Variants in CSMD1 observed in about 807,000 individuals in gnomAD.
CSMD1 encodes the protein CUB and Sushi multiple domains 1.
Under a neutral mutation model 417.5 loss-of-function variants are expected in CSMD1, and 213 were observed. The observed-to-expected ratio is 0.51, with a 90% confidence interval of 0.46 to 0.57. The LOEUF (loss-of-function observed/expected upper bound fraction) is 0.57. CSMD1 is among the 20% of genes least tolerant of loss of function. The pLI, the probability that CSMD1 is intolerant of heterozygous loss-of-function variation, is 0.00. For missense variants in CSMD1, 6,923 were observed against 4,529.7 expected (o/e 1.53, Z -15.17); for synonymous variants, 2,862 against 1,736.8 (o/e 1.65, Z -16.11).
chr8:3,033,312 C>G (rs979622280), intron 50 of CSMD1, among the ~76,000 whole-genome samples: 4 of 151,952 alleles, frequency 2.6e-5, no homozygotes, highest in African/African-American at 9.7e-5. Context: ...ACATTCAACA[C>G]AAAAGTAATG....
At chr8:3,004,498 G>T (rs1405537825) in intron 52 of CSMD1, among the ~76,000 whole-genome samples, 1 of 152,154 alleles carries the variant, frequency 6.6e-6, no homozygotes, top group African/African-American at 2.4e-5. Flanking sequence ...AACCCAGCAG[G>T]ACTGAGAAGC....
chr8:3,728,315 C>T (rs2720813), intron 6 of CSMD1, among the ~76,000 whole-genome samples: 145,774 of 152,158 alleles, frequency 0.96, 70,075 homozygotes, highest in South Asian at 1. Flanking sequence ...TCCACCATGA[C>T]TGTGAGGCCT....
intron 5 of CSMD1, among the ~76,000 whole-genome samples, chr8:3,756,783 A>T (rs1481721): frequency 1.2e-3 from 183 of 152,046 alleles, no homozygotes; most frequent in African/African-American, 4.2e-3. Context: ...GTTCTGACTG[A>T]AAAAACCAGG....
chr8:4,435,074 T>C (rs1313836709), intron 2 of CSMD1, among the ~76,000 whole-genome samples: 1 of 152,108 alleles, frequency 6.6e-6, no homozygotes, highest in Non-Finnish European at 1.5e-5. Context: ...TATATCGGTG[T>C]AATAAAAATG....
chr8:4,325,386 A>C (rs1220372427), intron 3 of CSMD1, among the ~76,000 whole-genome samples: 1 of 152,098 alleles, frequency 6.6e-6, no homozygotes, highest in Non-Finnish European at 1.5e-5. Flanking sequence ...CAGACCTCCA[A>C]ATCCCACTGT....
intron 1 of CSMD1, among the ~76,000 whole-genome samples, chr8:4,890,601 T>C (rs1053155628): frequency 7.3e-5 from 11 of 151,350 alleles, no homozygotes; most frequent in Non-Finnish European, 1.6e-4. Flanking sequence ...AGCGTGACTC[T>C]GACACCCTCC....
At chr8:3,219,204 A>G (rs1487481732) in intron 29 of CSMD1, 51 bp downstream of exon 29, 2 of 1,449,770 alleles carry the variant, frequency 1.4e-6, no homozygotes, top group South Asian at 1.2e-5. Context: ...CTACAATAAA[A>G]ACAGTCCTGA....
intron 39 of CSMD1, among the ~76,000 whole-genome samples, chr8:3,153,420 C>T (rs763745012): frequency 2.6e-4 from 39 of 152,282 alleles, no homozygotes; most frequent in East Asian, 1.9e-4. Context: ...CTTTACTCTA[C>T]GGATTCGTCC....
intron 2 of CSMD1, among the ~76,000 whole-genome samples, chr8:4,594,579 G>T (rs779015498): frequency 1.3e-5 from 2 of 151,998 alleles, no homozygotes; most frequent in Non-Finnish European, 2.9e-5. Context: ...TTTTTGGAGG[G>T]GGGCACAACT....
At chr8:4,430,512 C>A (rs1797816032) in intron 2 of CSMD1, among the ~76,000 whole-genome samples, 1 of 152,044 alleles carries the variant, frequency 6.6e-6, no homozygotes, top group African/African-American at 2.4e-5. Context: ...AAAATTTCCT[C>A]CTAAGAAATT....
intron 1 of CSMD1, among the ~76,000 whole-genome samples, chr8:4,972,516 C>T (rs964144551): frequency 6.6e-6 from 1 of 152,120 alleles, no homozygotes; most frequent in Non-Finnish European, 1.5e-5. Flanking sequence ...CCTTCACCTG[C>T]CATGATTGTA....
chr8:3,439,140 AAAAAAAAAAAAAC>A (rs1814774008), intron 12 of CSMD1, among the ~76,000 whole-genome samples: 10 of 129,850 alleles, frequency 7.7e-5, no homozygotes, highest in Non-Finnish European at 1.1e-4. Context: ...AAAAAAAAAA[AAAAAAAAAAAAAC>A]CAAGAAAAAA....
intron 3 of CSMD1, among the ~76,000 whole-genome samples, chr8:4,308,923 T>C (rs1798405099): frequency 6.6e-6 from 1 of 152,206 alleles, no homozygotes; most frequent in African/African-American, 2.4e-5. Context: ...AAGGTCCATT[T>C]ATTTCTCCTT....
intron 3 of CSMD1, among the ~76,000 whole-genome samples, chr8:4,250,463 G>A (rs949379299): frequency 9.9e-5 from 15 of 152,022 alleles, no homozygotes; most frequent in Non-Finnish European, 1.3e-4. Context: ...GTGATATTTG[G>A]GTCCACGTGA....
At chr8:3,757,088 C>T (rs1328322834) in intron 5 of CSMD1, among the ~76,000 whole-genome samples, 4 of 152,200 alleles carry the variant, frequency 2.6e-5, no homozygotes, top group African/African-American at 9.7e-5. Flanking sequence ...CAGGCGTGAA[C>T]CACTGTGCCA....
intron 12 of CSMD1, among the ~76,000 whole-genome samples, chr8:3,434,919 T>C (rs1814449214): frequency 6.6e-6 from 1 of 152,224 alleles, no homozygotes; most frequent in African/African-American, 2.4e-5. Flanking sequence ...TTAAGTCAAC[T>C]ATCACGGGCT....
At chr8:3,650,982 C>G (rs1046633555) in intron 7 of CSMD1, among the ~76,000 whole-genome samples, 1 of 152,156 alleles carries the variant, frequency 6.6e-6, no homozygotes, top group African/African-American at 2.4e-5. Flanking sequence ...ACACCTTTAT[C>G]TTTTAGTTCC....
chr8:3,118,374 C>T lies in CSMD1; in HGVS notation c.6430+25G>A, dbSNP rs1816987093. The T allele has an allele frequency of 3.2e-6, 5 of 1,555,832 alleles. No individual in the cohort carries two copies. In the South Asian group the frequency reaches 4.6e-5, roughly 14 times the overall value. On this transcript the variant is annotated intron_variant, in intron 42 of 69. Transcript: ENST00000635120. Reference sequence around the variant, plus strand: ...ATTATGCCCATGAAACATTAAATCGCCCCCATGCAAAGTGATGAACTTACC... The same window carrying T: ...ATTATGCCCATGAAACATTAAATCGTCCCCATGCAAAGTGATGAACTTACC...
chr8:3,043,763 A>C (rs1811260675), intron 50 of CSMD1: 1 of 152,482 alleles, frequency 6.6e-6, no homozygotes, highest in East Asian at 1.9e-4. Flanking sequence ...CTTGGACAAA[A>C]CCGTCAGCTC....
Sources: gnomAD v4.1 joint callset for allele counts (sites outside exome capture counted in the v4.1 genomes callset) on GRCh38, gnomAD v4.1.1 for gene constraint, MANE v1.5 for transcripts, NCBI Gene and HGNC (gene_info 2026-07-23, HGNC 2026-07-21) for gene names.